Variants in PPP2R2B observed in about 807,000 individuals in gnomAD.
The protein encoded by PPP2R2B is serine/threonine-protein phosphatase 2A 55 kDa regulatory subunit B beta isoform.
A neutral mutation model predicts 46.0 loss-of-function variants in PPP2R2B; 5 were observed. The observed-to-expected ratio is 0.11, with a 90% CI of 0.06 to 0.23. PPP2R2B has a LOEUF of 0.23. Ranked by LOEUF, PPP2R2B falls within the 10% of genes least tolerant of loss-of-function variation. The pLI is 1.00. For synonymous variants in PPP2R2B, 215 were observed against 206.7 expected, an observed-to-expected ratio of 1.04 and a Z score of -0.34; for missense variants, 367 against 575.0, an observed-to-expected ratio of 0.64 and a Z score of 3.70.
At chr5:146,711,253 A>G (rs1017494295) in intron 2 of PPP2R2B, among the ~76,000 whole-genome samples, 2 of 152,122 alleles carry the variant, frequency 1.3e-5, no homozygotes, top group African/African-American at 4.8e-5. Context: ...CTATGCTCAC[A>G]AGTCATCAAG....
chr5:147,008,351 T>A (rs989687880), intron 1 of PPP2R2B, among the ~76,000 whole-genome samples: 3 of 152,118 alleles, frequency 2.0e-5, no homozygotes, highest in African/African-American at 7.2e-5. Context: ...CATAAAACAT[T>A]TATGAATAAA....
At chr5:146,989,927 T>C (rs1268814754) in intron 1 of PPP2R2B, among the ~76,000 whole-genome samples, 1 of 151,490 alleles carries the variant, frequency 6.6e-6, no homozygotes, top group African/African-American at 2.4e-5. Flanking sequence ...AACACAAAAA[T>C]CAGTAGCATT....
rs1407866062 is a variant in PPP2R2B at position 146,724,193 on chromosome 5, A to G, written c.71-23051T>C. 4.6e-5 allele frequency among the ~76,000 whole-genome samples: 7 copies of G among 152,198 alleles called. No homozygotes were observed. In the East Asian group the frequency reaches 1.4e-3, roughly 29 times the overall value. ...AAACATAGTGGTGTTAAGCCCATGGACTTAGGATTCCCACATGATTTCAAA... is the reference window on the plus strand; with the variant it reads ...AAACATAGTGGTGTTAAGCCCATGGGCTTAGGATTCCCACATGATTTCAAA... On this transcript the variant is annotated intron_variant, in intron 2 of 9. Transcript: ENST00000394411.
chr5:146,744,186 C>A (rs765853428), intron 2 of PPP2R2B, among the ~76,000 whole-genome samples: 1 of 152,036 alleles, frequency 6.6e-6, no homozygotes, highest in African/African-American at 2.4e-5. Flanking sequence ...AAGGCTGTTC[C>A]TGCATTTCCT....
chr5:146,776,330 C>T lies in PPP2R2B; in HGVS notation c.71-75188G>A, dbSNP rs1369234413. Among the ~76,000 whole-genome samples the T allele has an allele frequency of 2.0e-5, 3 of 152,066 alleles. No homozygotes were observed. The East Asian group carries it at 5.8e-4, about 29-fold the overall frequency. On this transcript the variant is annotated intron_variant, in intron 2 of 9. Transcript: ENST00000394411. The stretch of plus-strand genomic sequence containing the variant: ...TTATATAACAATATAGAATTGAGAG[C>T]CCAGAAATAAACCATCATCTCTATG...
In PPP2R2B at chr5:146,797,251, C is replaced by G. The variant is rs151008537; in HGVS notation, c.70+80751G>C. ...GGATGCACCATCTGTGGATTCTTGT[C>G]ATCACATAAAGCAAATAATTGCTTT... On this transcript the variant is annotated intron_variant, in intron 2 of 9. Coordinates refer to ENST00000394411, the MANE Select transcript of PPP2R2B (RefSeq NM_181675.4). 3.9e-3 allele frequency among the ~76,000 whole-genome samples: 600 copies of G among 152,292 alleles called. 8 individuals carry two copies. The highest frequency in any genetic ancestry group is 0.014 in the African/African-American group (573 of 41,554).
chr5:146,601,401 A>C (rs927067093), intron 7 of PPP2R2B, among the ~76,000 whole-genome samples: 9 of 152,162 alleles, frequency 5.9e-5, no homozygotes, highest in African/African-American at 2.2e-4. Flanking sequence ...TTTCAAGACC[A>C]GCCTGGATAA....
chr5:146,657,537 T>C (rs151160886), intron 5 of PPP2R2B, among the ~76,000 whole-genome samples: 1 of 152,152 alleles, frequency 6.6e-6, no homozygotes, highest in Non-Finnish European at 1.5e-5. Flanking sequence ...GGAAGGAGCA[T>C]CCACATTCTC....
At chr5:146,646,460 C>T (rs1014089546) in intron 6 of PPP2R2B, among the ~76,000 whole-genome samples, 12 of 152,220 alleles carry the variant, frequency 7.9e-5, no homozygotes, top group Admixed American at 2.6e-4. Context: ...CCTATTAAGA[C>T]GAAAGTTTGA....
intron 6 of PPP2R2B, 31 bp from the exon 7 acceptor site, chr5:146,638,446 GAGA>G (rs1157777575): frequency 2.6e-6 from 4 of 1,551,124 alleles, no homozygotes; most frequent in Admixed American, 1.7e-5. Context: ...AAGGAACCAG[GAGA>G]AGGAGGCAGG....
At chr5:146,972,484 G>A (rs1561549022) in intron 1 of PPP2R2B, among the ~76,000 whole-genome samples, 1 of 152,076 alleles carries the variant, frequency 6.6e-6, no homozygotes, top group Non-Finnish European at 1.5e-5. Flanking sequence ...GGCTGAGGCG[G>A]GTGGATCACC....
At chr5:147,045,694 C>G (rs1756513308) in intron 1 of PPP2R2B, among the ~76,000 whole-genome samples, 1 of 152,050 alleles carries the variant, frequency 6.6e-6, no homozygotes, top group Non-Finnish European at 1.5e-5. Context: ...CAGTTGCTCT[C>G]TGGGTTAAGA....
At chr5:147,018,528 T>C (rs1232035465) in intron 1 of PPP2R2B, among the ~76,000 whole-genome samples, 1 of 152,212 alleles carries the variant, frequency 6.6e-6, no homozygotes, top group Non-Finnish European at 1.5e-5. Flanking sequence ...TTGTCATCAC[T>C]GGATTCTATT....
chr5:147,025,159 T>C (rs542653130), intron 1 of PPP2R2B, among the ~76,000 whole-genome samples: 1 of 152,104 alleles, frequency 6.6e-6, no homozygotes, highest in African/African-American at 2.4e-5. Flanking sequence ...AACCATTTTA[T>C]GCTAATGAAT....
intron 7 of PPP2R2B, among the ~76,000 whole-genome samples, chr5:146,629,600 T>C (rs1774286696): frequency 6.6e-6 from 1 of 152,158 alleles, no homozygotes; most frequent in Admixed American, 6.5e-5. Flanking sequence ...CACCATCTCA[T>C]GGTTTCCCAT....
chr5:147,036,956 C>T (rs1052310409), intron 1 of PPP2R2B, among the ~76,000 whole-genome samples: 6 of 152,160 alleles, frequency 3.9e-5, no homozygotes, highest in African/African-American at 1.4e-4. Flanking sequence ...CTAACCCCTC[C>T]ATGAATTAGC....
chr5:146,630,059 C>T (rs1360658377), intron 7 of PPP2R2B, among the ~76,000 whole-genome samples: 5 of 152,224 alleles, frequency 3.3e-5, no homozygotes, highest in African/African-American at 1.2e-4. Flanking sequence ...AAGCAACCCA[C>T]CTGCCTCAGC....
chr5:147,018,820 A>G (rs1383167), intron 1 of PPP2R2B, among the ~76,000 whole-genome samples: 122,506 of 152,064 alleles, frequency 0.81, 49,746 homozygotes, highest in African/African-American at 0.89. Flanking sequence ...CAGACCCAAC[A>G]CTAGGTAAAG....
intron 1 of PPP2R2B, among the ~76,000 whole-genome samples, chr5:146,994,888 C>G (rs1580771124): frequency 6.6e-6 from 1 of 152,146 alleles, no homozygotes; most frequent in African/African-American, 2.4e-5. Flanking sequence ...TGGGAAAGAC[C>G]AAAAAGTATA....
Sources: gnomAD v4.1 joint callset for allele counts (sites outside exome capture counted in the v4.1 genomes callset) on GRCh38, gnomAD v4.1.1 for gene constraint, MANE v1.5 for transcripts, NCBI Gene and HGNC (gene_info 2026-07-23, HGNC 2026-07-21) for gene names.